The following THSD4 variants were observed in gnomAD, a reference collection of about 807,000 sequenced individuals.
THSD4 encodes thrombospondin type-1 domain-containing protein 4.
THSD4 carries 69 observed loss-of-function variants against 119.0 expected under a neutral mutation model. The ratio of observed to expected loss-of-function variants is 0.58; its 90% CI spans 0.48 to 0.71. The LOEUF is 0.71. Among genes scored for constraint, THSD4 ranks in the 30% least tolerant of loss-of-function variants. THSD4 has a pLI of 0.00. For missense variants in THSD4, 1,393 were observed against 1,391.1 expected (o/e 1.00, Z -0.02); for synonymous variants, 524 against 540.4 (o/e 0.97, Z 0.42).
intron 3 of THSD4, among the ~76,000 whole-genome samples, chr15:71,173,567 CATAT>C (rs57882308): frequency 0.54 from 78,594 of 145,670 alleles, 23,717 homozygotes; most frequent in Middle Eastern, 0.69. Flanking sequence ...CACACACACA[CATAT>C]ATATATATAT....
At chr15:71,679,310 CT>C (rs950464420) in intron 8 of THSD4, among the ~76,000 whole-genome samples, 1 of 151,864 alleles carries the variant, frequency 6.6e-6, no homozygotes, top group Admixed American at 6.6e-5. Flanking sequence ...GGCTGGCAAC[CT>C]TTTTTTTGGA....
At chr15:71,288,875 G>C (rs903307464) in intron 6 of THSD4, among the ~76,000 whole-genome samples, 7 of 152,126 alleles carry the variant, frequency 4.6e-5, no homozygotes, top group Admixed American at 3.3e-4. Context: ...GGGGATCCAC[G>C]GTCTTCTGCA....
intron 3 of THSD4, among the ~76,000 whole-genome samples, chr15:71,206,936 T>G (rs1212148796): frequency 1.3e-5 from 2 of 152,240 alleles, no homozygotes; most frequent in Non-Finnish European, 2.9e-5. Context: ...TCGTATGTTT[T>G]CATTTTTCCA....
At chr15:71,150,220 A>G (rs2040707390) in intron 2 of THSD4, among the ~76,000 whole-genome samples, 1 of 152,226 alleles carries the variant, frequency 6.6e-6, no homozygotes, top group Admixed American at 6.5e-5. Context: ...ACAGAGACAC[A>G]TGCATGCTCT....
chr15:71,705,921 G>A (rs1440409892), intron 8 of THSD4, among the ~76,000 whole-genome samples: 1 of 152,180 alleles, frequency 6.6e-6, no homozygotes, highest in South Asian at 2.1e-4. Context: ...TCTAGTTGGG[G>A]TGGCAGGGAG....
chr15:71,214,133 T>TTG lies in THSD4; in HGVS notation c.100-900_100-899dup, dbSNP rs565159875. On this transcript the variant is annotated intron_variant, in intron 3 of 17. Transcript: ENST00000261862. ...CAGCACTCTGTGTATAGCTAGAGGA[T>TTG]TGTATATGCACCAATCAGCACTCTG... Among the ~76,000 whole-genome samples, 188 of 152,200 alleles carry TTG rather than the reference T, an allele frequency of 1.2e-3. 2 individuals carry two copies. The highest frequency in any genetic ancestry group is 4.3e-3 in the African/African-American group (178 of 41,520).
At chr15:71,612,325 G>T (rs770886984) in intron 7 of THSD4, among the ~76,000 whole-genome samples, 1 of 152,166 alleles carries the variant, frequency 6.6e-6, no homozygotes, top group Non-Finnish European at 1.5e-5. Context: ...CCCCCCGGTG[G>T]GATTGAGGCC....
intron 14 of THSD4, among the ~76,000 whole-genome samples, chr15:71,752,771 G>C (rs1035637562): frequency 6.6e-5 from 10 of 152,262 alleles, no homozygotes; most frequent in African/African-American, 2.2e-4. Flanking sequence ...ATTTCCTGTG[G>C]GCTGCTTCAT....
chr15:71,265,559 G>GT (rs991081134), intron 6 of THSD4, among the ~76,000 whole-genome samples: 5 of 151,312 alleles, frequency 3.3e-5, no homozygotes, highest in Non-Finnish European at 5.9e-5. Flanking sequence ...AGCTGCAGGA[G>GT]TTTTTTTTTC....
At chr15:71,238,436 T>A (rs2044124865) in intron 4 of THSD4, among the ~76,000 whole-genome samples, 1 of 152,188 alleles carries the variant, frequency 6.6e-6, no homozygotes, top group Admixed American at 6.5e-5. Context: ...TCCATCATCC[T>A]AAAAAGACAC....
chr15:71,171,780 A>G (rs892992371), intron 3 of THSD4, among the ~76,000 whole-genome samples: 1 of 152,236 alleles, frequency 6.6e-6, no homozygotes, highest in Non-Finnish European at 1.5e-5. Flanking sequence ...AACTTGTCCA[A>G]TGAAAACTAC....
intron 8 of THSD4, 48 bp downstream of exon 8, chr15:71,660,782 A>G: frequency 1.9e-6 from 3 of 1,602,864 alleles, no homozygotes; most frequent in South Asian, 2.2e-5. Context: ...CTGCCAGATG[A>G]TGTATTCCTT....
chr15:71,525,517 C>T (rs568185364), intron 7 of THSD4, among the ~76,000 whole-genome samples: 1 of 152,212 alleles, frequency 6.6e-6, no homozygotes, highest in Admixed American at 6.5e-5. Flanking sequence ...CCCACAGATG[C>T]GTTTATTCAA....
In THSD4 at chr15:71,761,174, C is replaced by T. The variant is rs187152333; in HGVS notation, c.2589+3099C>T. Among the ~76,000 whole-genome samples the T allele has an allele frequency of 4.6e-5, 7 of 152,096 alleles. No homozygotes were observed. The East Asian group carries it at 1.2e-3, about 25-fold the overall frequency. ...TCCTTTCAACATGCTTGTTATTAGT[C>T]AGGTTTTCTTAATTCCATTTTTTCC... On this transcript the variant is annotated intron_variant, in intron 15 of 17. Coordinates refer to ENST00000261862, the MANE Select transcript of THSD4 (RefSeq NM_024817.3).
At chr15:71,152,080 G>T (rs1246646241) in intron 2 of THSD4, among the ~76,000 whole-genome samples, 1 of 152,046 alleles carries the variant, frequency 6.6e-6, no homozygotes, top group Non-Finnish European at 1.5e-5. Flanking sequence ...TTATTGTCCC[G>T]AATACACCCC....
intron 8 of THSD4, among the ~76,000 whole-genome samples, chr15:71,717,419 G>A (rs2052630538): frequency 6.6e-6 from 1 of 152,144 alleles, no homozygotes; most frequent in South Asian, 2.1e-4. Context: ...TAGTGTAGGT[G>A]CTTGTTGGGA....
chr15:71,348,378 A>G (rs1049561806), intron 6 of THSD4: 4 of 152,240 alleles, frequency 2.6e-5, no homozygotes, highest in South Asian at 2.1e-4. Flanking sequence ...TCTGAGGACC[A>G]TGCCAACAGG....
intron 11 of THSD4, among the ~76,000 whole-genome samples, chr15:71,739,830 CTT>C (rs548898828): frequency 2.8e-5 from 4 of 142,370 alleles, no homozygotes; most frequent in African/African-American, 5.1e-5. Context: ...CTTTGCTTTG[CTT>C]TTTTTTTTTC....
At chr15:71,356,644 C>T (rs1205614121) in intron 6 of THSD4, among the ~76,000 whole-genome samples, 2 of 147,468 alleles carry the variant, frequency 1.4e-5, no homozygotes, top group African/African-American at 5.0e-5. Flanking sequence ...GAGGCTTTAG[C>T]AGGGGTACTA....
Sources: allele counts gnomAD v4.1 joint callset (sites outside exome capture counted in the v4.1 genomes callset), GRCh38; gene constraint gnomAD v4.1.1; transcripts MANE v1.5; gene names NCBI Gene and HGNC (gene_info 2026-07-23, HGNC 2026-07-21).